Variants in FRK observed in about 807,000 individuals in gnomAD.
FRK encodes tyrosine-protein kinase FRK.
Under a neutral mutation model 56.4 loss-of-function variants are expected in FRK, and 51 were observed. The observed-to-expected ratio is 0.90, with a 90% CI of 0.72 to 1.14. FRK has a LOEUF of 1.14. Among genes scored for constraint, FRK ranks in the 50% most tolerant of loss-of-function variants. FRK has a pLI of 0.00. For synonymous variants in FRK, 245 were observed against 217.9 expected, an observed-to-expected ratio of 1.12 and a Z score of -1.10; for missense variants, 570 against 601.4, an observed-to-expected ratio of 0.95 and a Z score of 0.55.
intron 2 of FRK, among the ~76,000 whole-genome samples, chr6:115,995,778 T>C (rs930423806): frequency 2.6e-5 from 4 of 152,138 alleles, no homozygotes; most frequent in Admixed American, 2.0e-4. Context: ...CACGTGCACA[T>C]AATAAAATGT....
chr6:116,044,881 CAA>C (rs1339917791), intron 1 of FRK, among the ~76,000 whole-genome samples: 15 of 152,328 alleles, frequency 9.8e-5, no homozygotes, highest in African/African-American at 3.6e-4. Context: ...GCAACTTCAG[CAA>C]AGTGTCAATA....
chr6:116,052,413 G>A (rs1431107467), intron 1 of FRK, among the ~76,000 whole-genome samples: 1 of 152,096 alleles, frequency 6.6e-6, no homozygotes. Context: ...AAAGACCTGA[G>A]ATTTGTAGAT....
chr6:116,076,224 T>G, the FRK span, among the ~76,000 whole-genome samples: 2 of 152,212 alleles, frequency 1.3e-5, no homozygotes, highest in African/African-American at 4.8e-5. Context: ...TAAAGGAAAT[T>G]ATTCATTTTT....
At chr6:115,973,568 T>A (rs1236523586) in intron 2 of FRK, among the ~76,000 whole-genome samples, 7 of 151,182 alleles carry the variant, frequency 4.6e-5, no homozygotes, top group Admixed American at 1.3e-4. Context: ...TTTAAAAATT[T>A]TTAAAAAAAG....
At chr6:115,998,567 A>G (rs1377896910) in intron 2 of FRK, among the ~76,000 whole-genome samples, 1 of 152,218 alleles carries the variant, frequency 6.6e-6, no homozygotes, top group African/African-American at 2.4e-5. Flanking sequence ...AATAATTTAC[A>G]CACTGCCACC....
At chr6:116,005,895 A>G (rs1226576245) in intron 1 of FRK, among the ~76,000 whole-genome samples, 1 of 152,246 alleles carries the variant, frequency 6.6e-6, no homozygotes, top group African/African-American at 2.4e-5. Flanking sequence ...ATAATTTCAC[A>G]TAGATTAAAG....
chr6:116,099,468 C>G, the FRK span, among the ~76,000 whole-genome samples: 3 of 152,224 alleles, frequency 2.0e-5, no homozygotes, highest in Admixed American at 6.5e-5. Flanking sequence ...CCAGGGCCAA[C>G]AAGCTTTTTC....
chr6:115,986,455 C>T (rs116408785), intron 2 of FRK, among the ~76,000 whole-genome samples: 304 of 152,166 alleles, frequency 2.0e-3, no homozygotes, highest in African/African-American at 6.8e-3. Flanking sequence ...GTGATTAATA[C>T]AGGACATTTC....
chr6:116,029,480 C>T (rs1475929297), intron 1 of FRK, among the ~76,000 whole-genome samples: 2 of 152,078 alleles, frequency 1.3e-5, no homozygotes, highest in Non-Finnish European at 2.9e-5. Context: ...TTATTGAGCA[C>T]CTACCTATTT....
intron 5 of FRK, among the ~76,000 whole-genome samples, chr6:115,950,156 G>A (rs528365090): frequency 1.8e-4 from 28 of 152,182 alleles, no homozygotes; most frequent in African/African-American, 6.5e-4. Flanking sequence ...CAAAAGCAAT[G>A]GCAACAAAAG....
chr6:116,059,218 T>A (rs1490472662), intron 1 of FRK, among the ~76,000 whole-genome samples: 1 of 152,170 alleles, frequency 6.6e-6, no homozygotes, highest in Non-Finnish European at 1.5e-5. Context: ...ATAAAAACTT[T>A]CCTCTTTTGT....
rs775445490 is a variant in FRK at position 116,028,036 on chromosome 6, C to A, written c.345-24038G>T. ...GTAGAAACTGACTCCTTTTACTGCA[C>A]AGTCAACACTCAATAAAATACACCA... On this transcript the variant is annotated intron_variant, in intron 1 of 7. Coordinates refer to ENST00000606080, the MANE Select transcript of FRK (RefSeq NM_002031.3). Among the ~76,000 whole-genome samples, 3 of 152,052 alleles carry A rather than the reference C, an allele frequency of 2.0e-5. 1 individual carries two copies. The highest frequency in any genetic ancestry group is 4.4e-5 in the Non-Finnish European group (3 of 67,990).
At chr6:115,984,198 T>C (rs1312017407) in intron 2 of FRK, among the ~76,000 whole-genome samples, 1 of 152,114 alleles carries the variant, frequency 6.6e-6, no homozygotes, top group Non-Finnish European at 1.5e-5. Context: ...TGCTTATATA[T>C]TTACCCTGTA....
At chr6:116,030,550 T>G (rs1419207234) in intron 1 of FRK, among the ~76,000 whole-genome samples, 1 of 152,042 alleles carries the variant, frequency 6.6e-6, no homozygotes, top group South Asian at 2.1e-4. Flanking sequence ...GAACAAGCCA[T>G]GAGGAGGGAA....
intron 1 of FRK, among the ~76,000 whole-genome samples, chr6:116,042,079 T>A (rs1261004504): frequency 6.6e-6 from 1 of 152,096 alleles, no homozygotes; most frequent in African/African-American, 2.4e-5. Context: ...CATCCACCAT[T>A]ACTGAGGCTT....
At chr6:116,043,527 C>A (rs912469571) in intron 1 of FRK, among the ~76,000 whole-genome samples, 1 of 152,048 alleles carries the variant, frequency 6.6e-6, no homozygotes, top group Non-Finnish European at 1.5e-5. Context: ...TAAATAAGTT[C>A]TTTGAAACCA....
Position 115,938,694 on chromosome 6 carries a change from C to G in FRK, c.*3720G>C, listed in dbSNP as rs1772093927. 1 of 152,154 alleles carries G rather than the reference C, an allele frequency of 6.6e-6. No homozygotes were observed. The highest frequency in any genetic ancestry group is 2.1e-4 in the South Asian group (1 of 4,822). 9.4% of individuals were successfully genotyped at this position (152,154 alleles called of 1,614,324 possible). On this transcript the variant is annotated 3_prime_UTR_variant, in exon 8 of 8. Transcript: ENST00000606080. ...TACCATCAGAGATTACTATAAATACCTCTAAGCAAATAAACTAGAAAATCT... is the reference window on the plus strand; with the variant it reads ...TACCATCAGAGATTACTATAAATACGTCTAAGCAAATAAACTAGAAAATCT...
intron 1 of FRK, among the ~76,000 whole-genome samples, chr6:116,014,181 T>C (rs1469848474): frequency 2.6e-5 from 4 of 152,186 alleles, no homozygotes; most frequent in African/African-American, 9.7e-5. Context: ...TCATTTTCTA[T>C]GTGCTGAAAT....
chr6:115,967,428 A>G, intron 4 of FRK, 123 bp downstream of exon 4: 1 of 880,880 alleles, frequency 1.1e-6, no homozygotes, highest in Non-Finnish European at 1.8e-6. Flanking sequence ...TGGGCTAGAG[A>G]CAATGACCAC....
Sources: gnomAD v4.1 joint callset for allele counts (sites outside exome capture counted in the v4.1 genomes callset) on GRCh38, gnomAD v4.1.1 for gene constraint, MANE v1.5 for transcripts, NCBI Gene and HGNC (gene_info 2026-07-23, HGNC 2026-07-21) for gene names.